The following IL20RA variants were observed in gnomAD, a reference collection of about 807,000 sequenced individuals.
The protein encoded by IL20RA is interleukin-20 receptor subunit alpha.
Under a neutral mutation model 36.5 loss-of-function variants are expected in IL20RA, and 29 were observed. The observed-to-expected ratio is 0.79, with a 90% confidence interval of 0.59 to 1.08. The LOEUF is 1.08. IL20RA is among the 50% of genes least tolerant of loss of function. IL20RA has a pLI of 0.00. For synonymous variants in IL20RA, 279 were observed against 267.1 expected (o/e 1.04, Z -0.43); for missense variants, 652 against 668.4 (o/e 0.98, Z 0.27).
chr6:137,020,695 A>G (rs1282662943), intron 1 of IL20RA, among the ~76,000 whole-genome samples: 2 of 152,222 alleles, frequency 1.3e-5, no homozygotes, highest in African/African-American at 4.8e-5. Context: ...TTTAAAAAAC[A>G]AATGCTTAGT....
chr6:137,031,889 T>C (rs914182999), intron 1 of IL20RA, among the ~76,000 whole-genome samples: 11 of 151,916 alleles, frequency 7.2e-5, no homozygotes, highest in Non-Finnish European at 1.5e-4. Context: ...ACCCCATCTC[T>C]ACTAAACAAA....
At chr6:137,013,096 T>C (rs1479638536) in intron 2 of IL20RA, among the ~76,000 whole-genome samples, 1 of 152,230 alleles carries the variant, frequency 6.6e-6, no homozygotes, top group Non-Finnish European at 1.5e-5. Context: ...ATTTAAACTT[T>C]ACCACATGCC....
intron 1 of IL20RA, among the ~76,000 whole-genome samples, chr6:137,040,647 T>C (rs762646093): frequency 3.3e-5 from 5 of 152,180 alleles, no homozygotes; most frequent in Non-Finnish European, 5.9e-5. Context: ...AATGATAGTA[T>C]TGGATTATAA....
intron 1 of IL20RA, among the ~76,000 whole-genome samples, chr6:137,040,484 G>A (rs559661022): frequency 6.6e-6 from 1 of 152,140 alleles, no homozygotes; most frequent in Non-Finnish European, 1.5e-5. Flanking sequence ...CAGGCCTGGG[G>A]CAGGGAAAAC....
intron 1 of IL20RA, among the ~76,000 whole-genome samples, chr6:137,032,404 A>G (rs1776329101): frequency 6.6e-6 from 1 of 152,078 alleles, no homozygotes; most frequent in Non-Finnish European, 1.5e-5. Flanking sequence ...ATGGAACCCT[A>G]CTCCTTCATA....
chr6:137,044,512 G>A (rs977824272), intron 1 of IL20RA, 129 bp downstream of exon 1: 3 of 1,005,246 alleles, frequency 3.0e-6, no homozygotes, highest in African/African-American at 1.7e-5. Context: ...CGCGCACCTC[G>A]TCCTCTGCCC....
intron 1 of IL20RA, among the ~76,000 whole-genome samples, chr6:137,035,861 G>A (rs1776473383): frequency 6.6e-6 from 1 of 152,166 alleles, no homozygotes; most frequent in African/African-American, 2.4e-5. Context: ...ACATAGATGG[G>A]TTCGTTGGAA....
At position 137,000,377 on chromosome 6, in the gene IL20RA, T is replaced by A. The variant is rs1444088389; in HGVS notation, c.*1181A>T. 1 of 152,210 alleles carries A rather than the reference T, an allele frequency of 6.6e-6. No homozygotes were observed. The highest frequency in any genetic ancestry group is 1.5e-5 in the Non-Finnish European group (1 of 68,034). 9.4% of individuals were successfully genotyped at this position (152,210 alleles called of 1,614,324 possible). A position where few individuals can be genotyped will look rare whatever the true frequency, so the allele number is the denominator to read the frequency against. Reference sequence around the variant, plus strand: ...GCTTGTCAGATTAAAAACAGCCAAATATCCACAATTATATATGGTTCAACT... The same window carrying A: ...GCTTGTCAGATTAAAAACAGCCAAAAATCCACAATTATATATGGTTCAACT... On this transcript the variant is annotated 3_prime_UTR_variant, in exon 7 of 7. Transcript: ENST00000316649.
intron 2 of IL20RA, among the ~76,000 whole-genome samples, chr6:137,013,158 T>C (rs749737305): frequency 6.6e-6 from 1 of 152,206 alleles, no homozygotes; most frequent in Non-Finnish European, 1.5e-5. Flanking sequence ...TCCATTCCTT[T>C]CCATTAAAAA....
intron 6 of IL20RA, 147 bp from the exon 7 acceptor site, chr6:137,002,502 A>C (rs541314488): frequency 6.4e-6 from 4 of 622,894 alleles, no homozygotes; most frequent in Non-Finnish European, 1.1e-5. Flanking sequence ...TGCAATATAC[A>C]GAAAACCTCA....
intron 2 of IL20RA, among the ~76,000 whole-genome samples, chr6:137,013,803 G>A (rs1213446120): frequency 2.0e-5 from 3 of 152,206 alleles, no homozygotes; most frequent in Non-Finnish European, 4.4e-5. Context: ...TGACTCCAGA[G>A]CTGAGCTTGG....
At chr6:137,039,740 A>T (rs1450768410) in intron 1 of IL20RA, among the ~76,000 whole-genome samples, 1 of 152,170 alleles carries the variant, frequency 6.6e-6, no homozygotes, top group South Asian at 2.1e-4. Context: ...GAAAGGAGGT[A>T]GTAGGGCTCA....
intron 1 of IL20RA, among the ~76,000 whole-genome samples, chr6:137,030,032 A>G (rs1174315826): frequency 1.3e-5 from 2 of 149,106 alleles, no homozygotes; most frequent in Non-Finnish European, 3.0e-5. Context: ...TTTCATTTTC[A>G]TTAAAGAATT....
At chr6:137,008,145 T>TA (rs1297036220) in intron 5 of IL20RA, among the ~76,000 whole-genome samples, 4 of 152,112 alleles carry the variant, frequency 2.6e-5, no homozygotes, top group Non-Finnish European at 4.4e-5. Context: ...TTTTATTTTT[T>TA]ATAGAGATGA....
intron 6 of IL20RA, among the ~76,000 whole-genome samples, chr6:137,003,861 T>C (rs1219194886): frequency 6.6e-6 from 1 of 152,126 alleles, no homozygotes. Context: ...TTCTTCTGCC[T>C]GCACTACGGA....
At chr6:137,032,895 A>G (rs984316452) in intron 1 of IL20RA, among the ~76,000 whole-genome samples, 1 of 152,228 alleles carries the variant, frequency 6.6e-6, no homozygotes, top group African/African-American at 2.4e-5. Context: ...GCTGAACAGG[A>G]CTTGCAGAAG....
chr6:137,032,064 A>G (rs1328127090), intron 1 of IL20RA, among the ~76,000 whole-genome samples: 2 of 151,042 alleles, frequency 1.3e-5, no homozygotes, highest in Non-Finnish European at 2.9e-5. Flanking sequence ...AAAAAAAAAA[A>G]AAAAAAAGAA....
At chr6:137,016,071 C>T (rs1345094917) in intron 2 of IL20RA, among the ~76,000 whole-genome samples, 1 of 152,312 alleles carries the variant, frequency 6.6e-6, no homozygotes, top group Admixed American at 6.5e-5. Flanking sequence ...CTGCAGGAGG[C>T]TGATGTCGTA....
At chr6:137,008,389 C>T (rs992229281) in intron 5 of IL20RA, among the ~76,000 whole-genome samples, 19 of 152,190 alleles carry the variant, frequency 1.2e-4, no homozygotes, top group Non-Finnish European at 1.6e-4. Flanking sequence ...ATGAGTTCTC[C>T]GAGGGTGTGA....
Sources: gnomAD v4.1 joint callset for allele counts (sites outside exome capture counted in the v4.1 genomes callset) on GRCh38, gnomAD v4.1.1 for gene constraint, MANE v1.5 for transcripts, NCBI Gene and HGNC (gene_info 2026-07-23, HGNC 2026-07-21) for gene names.